PM20D2: variants seen among roughly 807,000 people sequenced by gnomAD.
PM20D2 encodes xaa-Arg dipeptidase.
Under a neutral mutation model 42.9 loss-of-function variants are expected in PM20D2, and 33 were observed. The observed-to-expected ratio is 0.77, with a 90% CI of 0.58 to 1.03. The LOEUF (loss-of-function observed/expected upper bound fraction) is 1.03, where lower values mean the gene tolerates loss of function less well. Among genes scored for constraint, PM20D2 ranks in the 50% least tolerant of loss-of-function variants. The pLI, the probability that PM20D2 is intolerant of heterozygous loss-of-function variation, is 0.00. For synonymous variants in PM20D2, 250 were observed against 228.2 expected (o/e 1.10, Z -0.86); for missense variants, 548 against 557.0 (o/e 0.98, Z 0.16).
chr6:89,107,142 A>T, the PM20D2 span: 1 of 1,610,494 alleles, frequency 6.2e-7, no homozygotes. Flanking sequence ...CACACAATAA[A>T]ATAAAGGATA....
chr6:89,118,880 C>T, the PM20D2 span, among the ~76,000 whole-genome samples: 1 of 152,194 alleles, frequency 6.6e-6, no homozygotes, highest in South Asian at 2.1e-4. Context: ...ATTTAAATTA[C>T]CCTCTCCCTA....
the PM20D2 span, among the ~76,000 whole-genome samples, chr6:89,112,444 TTTC>T: frequency 4.1e-5 from 6 of 147,098 alleles, no homozygotes; most frequent in Non-Finnish European, 3.0e-5. Context: ...TTTTCTTTTC[TTTC>T]TTTTTTTTTT....
intron 1 of PM20D2, among the ~76,000 whole-genome samples, chr6:89,147,576 A>G (rs1368298067): frequency 6.6e-6 from 1 of 151,992 alleles, no homozygotes; most frequent in Non-Finnish European, 1.5e-5. Context: ...CGCTTCAACC[A>G]CGTTTTTAAA....
At chr6:89,107,388 T>C in the PM20D2 span, 2 of 677,772 alleles carry the variant, frequency 3.0e-6, no homozygotes, top group African/African-American at 1.8e-5. Context: ...AATTGTTTTT[T>C]GTAAGAATCA....
chr6:89,152,607 C>A (rs1197923774), intron 2 of PM20D2, among the ~76,000 whole-genome samples: 2 of 152,028 alleles, frequency 1.3e-5, no homozygotes, highest in Non-Finnish European at 2.9e-5. Context: ...TTGTCTTAAC[C>A]CACTTCAAAT....
the PM20D2 span, among the ~76,000 whole-genome samples, chr6:89,130,240 C>T: frequency 2.6e-5 from 4 of 151,896 alleles, no homozygotes; most frequent in Admixed American, 6.6e-5. Flanking sequence ...TGCATCACCA[C>T]GCGTGGCTAT....
At chr6:89,123,346 C>A in the PM20D2 span, among the ~76,000 whole-genome samples, 1 of 151,756 alleles carries the variant, frequency 6.6e-6, no homozygotes, top group African/African-American at 2.4e-5. Flanking sequence ...TACTTCTTTA[C>A]CATAATATGT....
Position 89,165,375 on chromosome 6 carries a change from T to G in PM20D2, c.*3112T>G, listed in dbSNP as rs1771384605. The G allele has an allele frequency of 6.6e-6, 1 of 152,148 alleles. No homozygotes were observed. The highest frequency in any genetic ancestry group is 2.4e-5 in the African/African-American group (1 of 41,440). The allele number at this position is 152,148 out of a possible 1,614,324, so 9.4% of individuals were successfully genotyped here. ...GTTGTAAGGTATAATAAACTGCTTA[T>G]TTTTTTACATACTTCATATCAAGCA... On this transcript the variant is annotated 3_prime_UTR_variant, in exon 7 of 7. Transcript: ENST00000275072.
chr6:89,133,647 G>A, the PM20D2 span, among the ~76,000 whole-genome samples: 23 of 151,190 alleles, frequency 1.5e-4, no homozygotes, highest in South Asian at 6.2e-4. Flanking sequence ...AGAGATACCC[G>A]GAATGGCCCC....
At chr6:89,139,400 TAA>T in the PM20D2 span, among the ~76,000 whole-genome samples, 1 of 152,002 alleles carries the variant, frequency 6.6e-6, no homozygotes, top group Non-Finnish European at 1.5e-5. Context: ...TTTGGAGAGG[TAA>T]AGTCTCATGT....
the PM20D2 span, among the ~76,000 whole-genome samples, chr6:89,122,804 T>A: frequency 6.6e-6 from 1 of 152,204 alleles, no homozygotes; most frequent in Non-Finnish European, 1.5e-5. Context: ...GGTGCTAGCT[T>A]TCCTCTAGTG....
the PM20D2 span, among the ~76,000 whole-genome samples, chr6:89,112,308 G>A: frequency 6.6e-6 from 1 of 151,962 alleles, no homozygotes; most frequent in Non-Finnish European, 1.5e-5. Context: ...AGTGTCTTCT[G>A]CTTTTAATTT....
intron 2 of PM20D2, among the ~76,000 whole-genome samples, chr6:89,150,928 T>C (rs1294334545): frequency 6.6e-6 from 1 of 151,486 alleles, no homozygotes; most frequent in Non-Finnish European, 1.5e-5. Context: ...CCAAGGCAGG[T>C]GGATCACCTG....
chr6:89,124,110 GCT>G, the PM20D2 span, among the ~76,000 whole-genome samples: 207 of 152,250 alleles, frequency 1.4e-3, 1 homozygote, highest in East Asian at 0.011. Flanking sequence ...CTCCAAGCCT[GCT>G]CTCTCTTATA....
In PM20D2 at chr6:89,161,807, G is replaced by A; in HGVS notation, c.1073G>A (p.Ser358Asn). ...GGATCTACGGATTTTGGAAATGTTA[G>A]TTTTGTGGTTCCTGGAATTCATCCA... ...PSGSTDFGNV[S>N]FVVPGIHPYF... Residue 358 changes from serine to asparagine, a missense_variant, in exon 6 of 7, where the codon AGT becomes AAT. Ser to Asn is a conservative substitution (Grantham distance 46). This residue lies in a region of PM20D2 where 7 missense variants were observed against 22.9 expected (regional missense o/e 0.31). Transcript: ENST00000275072. 6.2e-7 allele frequency: 1 copy of A among 1,612,724 alleles called. No homozygotes were observed. Among genetic ancestry groups the A allele is most frequent in the Non-Finnish European group, 8.5e-7 (1 of 1,178,672 alleles).
chr6:89,146,082 C>T lies in PM20D2; in HGVS notation c.-63C>T, dbSNP rs1770527054. ...GGAGGCCTCTGGGCGCGTGCGCGGG[C>T]GGTCGCTACCTGCGGCCGAGCCAGG... On this transcript the variant is annotated 5_prime_UTR_variant, in exon 1 of 7. Coordinates refer to ENST00000275072, the MANE Select transcript of PM20D2 (RefSeq NM_001010853.3). 2.3e-6 allele frequency: 3 copies of T among 1,326,436 alleles called. No individual in the cohort carries two copies. Among genetic ancestry groups the T allele is most frequent in the South Asian group, 3.7e-5 (2 of 53,832 alleles). The allele number at this position is 1,326,436 out of a possible 1,614,324, so 82.2% of individuals were successfully genotyped here.
At chr6:89,122,998 A>G in the PM20D2 span, among the ~76,000 whole-genome samples, 36,860 of 152,152 alleles carry the variant, frequency 0.24, 4,889 homozygotes, top group Non-Finnish European at 0.3. Flanking sequence ...CTCTTCTGCT[A>G]TAGCCATAAG....
chr6:89,117,692 G>A, the PM20D2 span: 1 of 894,732 alleles, frequency 1.1e-6, no homozygotes. Flanking sequence ...TCCCCAAGTG[G>A]CGCAGCCTGG....
At chr6:89,098,392 A>G in the PM20D2 span, 1 of 599,890 alleles carries the variant, frequency 1.7e-6, no homozygotes, top group Admixed American at 3.8e-5. Context: ...CATAATTTGT[A>G]GTGTGGGCCC....
Sources: allele counts gnomAD v4.1 joint callset (sites outside exome capture counted in the v4.1 genomes callset), GRCh38; gene constraint gnomAD v4.1.1; regional missense constraint gnomAD v4.1.1; transcripts MANE v1.5; gene names NCBI Gene and HGNC (gene_info 2026-07-23, HGNC 2026-07-21).